NCAPD3: variants seen among roughly 807,000 people sequenced by gnomAD.
NCAPD3 encodes condensin-2 complex subunit D3.
NCAPD3 carries 105 observed loss-of-function variants against 182.9 expected under a neutral mutation model. The observed-to-expected ratio is 0.57, with a 90% CI of 0.49 to 0.68. The LOEUF is 0.68. Among genes scored for constraint, NCAPD3 ranks in the 30% least tolerant of loss-of-function variants. The probability of loss-of-function intolerance (pLI) is 0.00; values close to 1 mark genes in which losing one functional copy is unlikely to be tolerated. For synonymous variants in NCAPD3, 815 were observed against 679.9 expected, an observed-to-expected ratio of 1.20 and a Z score of -3.09; for missense variants, 1,944 against 1,837.0, an observed-to-expected ratio of 1.06 and a Z score of -1.07.
chr11:134,209,215 C>A lies in NCAPD3; in HGVS notation c.733-9G>T, dbSNP rs563278509. ...GTTAATGAAACAAAGACCTAGAAAA[C>A]AGATATGAAGAAAAGGCCTGATTTT... On this transcript the variant is annotated splice_polypyrimidine_tract_variant and intron_variant, in intron 5 of 34. Coordinates refer to ENST00000534548, the MANE Select transcript of NCAPD3 (RefSeq NM_015261.3). The A allele has an allele frequency of 1.2e-6, 2 of 1,612,348 alleles. No individual in the cohort carries two copies. Among genetic ancestry groups the A allele is most frequent in the East Asian group, 4.5e-5 (2 of 44,850 alleles).
At position 134,220,740 on chromosome 11, in the gene NCAPD3, C is replaced by A; in HGVS notation, c.65-14G>T. ...TGTCAACCCATTCTAGGGGAAAATG[C>A]AATGAAATGTGTAAGTACTCTGTAA... On this transcript the variant is annotated splice_polypyrimidine_tract_variant and intron_variant, in intron 1 of 34. Coordinates refer to ENST00000534548, the MANE Select transcript of NCAPD3 (RefSeq NM_015261.3). 1.9e-6 allele frequency: 3 copies of A among 1,608,370 alleles called. No homozygotes were observed. The highest frequency in any genetic ancestry group is 2.6e-6 in the Non-Finnish European group (3 of 1,175,456).
At chr11:134,210,237 GTA>G (rs769482906) in intron 4 of NCAPD3, 31 bp downstream of exon 4, 2 of 1,562,860 alleles carry the variant, frequency 1.3e-6, no homozygotes, top group East Asian at 4.5e-5. Context: ...TCGTGTGTTG[GTA>G]TATATGTTTT....
chr11:134,186,076 C>T (rs1056743606), intron 16 of NCAPD3: 35 of 152,146 alleles, frequency 2.3e-4, no homozygotes, highest in African/African-American at 8.4e-4. Flanking sequence ...GACAACCTAA[C>T]AATTAAATAT....
intron 19 of NCAPD3, 102 bp downstream of exon 19, chr11:134,184,535 G>T: frequency 1.3e-6 from 1 of 770,712 alleles, no homozygotes; most frequent in Non-Finnish European, 2.1e-6. Context: ...ATCCTTACAC[G>T]TCCTCTTATT....
Position 134,152,879 on chromosome 11 carries a change from A to G in NCAPD3, c.*65T>C, listed in dbSNP as rs1319481816. 2 of 1,298,350 alleles carry G rather than the reference A, an allele frequency of 1.5e-6. No individual in the cohort carries two copies. Among genetic ancestry groups the G allele is most frequent in the East Asian group, 2.3e-5 (1 of 42,882 alleles). 80.4% of individuals were successfully genotyped at this position (1,298,350 alleles called of 1,614,324 possible). A position where few individuals can be genotyped will look rare whatever the true frequency, so the allele number is the denominator to read the frequency against. On this transcript the variant is annotated 3_prime_UTR_variant, in exon 35 of 35. Transcript: ENST00000534548. ...CGGGAAGTGATCCAGCTGCCTTCAC[A>G]CGGAGGACACGAGACTGCTTCCTCA... is the stretch of plus-strand genomic sequence containing the variant.
intron 16 of NCAPD3, among the ~76,000 whole-genome samples, chr11:134,190,521 CT>C (rs894660604): frequency 1.3e-5 from 2 of 152,178 alleles, no homozygotes; most frequent in Non-Finnish European, 2.9e-5. Flanking sequence ...AGGTCTTGCT[CT>C]GTCGCCCAGG....
At chr11:134,184,422 C>T (rs944046315) in intron 19 of NCAPD3, among the ~76,000 whole-genome samples, 1 of 152,234 alleles carries the variant, frequency 6.6e-6, no homozygotes, top group Non-Finnish European at 1.5e-5. Flanking sequence ...AAGGTGGTGA[C>T]CATCTAAGGG....
chr11:134,152,923 G>C lies in NCAPD3; in HGVS notation c.*21C>G, dbSNP rs751148519. 14 of 1,510,888 alleles carry C rather than the reference G, an allele frequency of 9.3e-6. No homozygotes were observed. The South Asian group carries it at 1.9e-4, about 20-fold the overall frequency. 93.6% of individuals were successfully genotyped at this position (1,510,888 alleles called of 1,614,324 possible). A position where few individuals can be genotyped will look rare whatever the true frequency, so the allele number is the denominator to read the frequency against. On this transcript the variant is annotated 3_prime_UTR_variant, in exon 35 of 35. Transcript: ENST00000534548. ...TTCCTCAAGGGCTCCTGCCTGCCTG[G>C]ACACTGGTGGGAGGCGCTGTTTAGT...
In NCAPD3 at chr11:134,192,300, T is replaced by C. The variant is rs190547383; in HGVS notation, c.2045+389A>G. On this transcript the variant is annotated intron_variant, in intron 16 of 34. Transcript: ENST00000534548. ...AAGGGGAAAAAGCCTGCAGTGTTAGTTAAGTCAATTAATCCAATGAGGTGT... is the reference window on the plus strand; with the variant it reads ...AAGGGGAAAAAGCCTGCAGTGTTAGCTAAGTCAATTAATCCAATGAGGTGT... Among the ~76,000 whole-genome samples the C allele has an allele frequency of 3.9e-5, 6 of 152,336 alleles. No individual in the cohort carries two copies. The East Asian group carries it at 1.2e-3, about 29-fold the overall frequency.
In NCAPD3 at chr11:134,153,337, C is replaced by T. The variant is rs1340545111; in HGVS notation, c.4279G>A (p.Ala1427Thr). Residue 1427 changes from alanine (A) to threonine (T), a missense_variant, in exon 33 of 35, where the codon GCA becomes ACA. By Grantham distance (58) the Ala-to-Thr change is moderately conservative. Around this residue, in one of 3 missense-constraint regions of NCAPD3, gnomAD observed 1,803 missense variants for 1,674.6 expected, o/e 1.08. Coordinates refer to ENST00000534548, the MANE Select transcript of NCAPD3 (RefSeq NM_015261.3). ...GGTGTCCCGATGTAACTGACCCCTG[C>T]TCCAAACGTGACATCACTGATGCTC... Reference protein sequence around the residue: ...EKSISDVTFGAGVSYIGTPRT... With the variant: ...EKSISDVTFGTGVSYIGTPRT... The T allele has an allele frequency of 2.5e-6, 4 of 1,614,196 alleles. No individual in the cohort carries two copies. Among genetic ancestry groups the T allele is most frequent in the African/African-American group, 2.7e-5 (2 of 75,042 alleles).
chr11:134,203,643 G>A lies in NCAPD3; in HGVS notation c.1468+11C>T, dbSNP rs1295819723. 1.7e-5 allele frequency: 27 copies of A among 1,608,660 alleles called. No individual in the cohort carries two copies. Among genetic ancestry groups the A allele is most frequent in the Middle Eastern group, 1.9e-4 (1 of 5,142 alleles). ...AGACCGGTTTACTGTCCCAATAGTC[G>A]CCATACTCACTGTTAATCAGGAGCT... is the stretch of plus-strand genomic sequence containing the variant. On this transcript the variant is annotated intron_variant, in intron 11 of 34. Transcript: ENST00000534548.
intron 13 of NCAPD3, among the ~76,000 whole-genome samples, chr11:134,197,266 C>T (rs1226590525): frequency 6.7e-6 from 1 of 148,220 alleles, no homozygotes; most frequent in African/African-American, 2.5e-5. Context: ...ATTACCCAGT[C>T]TCACATCTTT....
intron 13 of NCAPD3, among the ~76,000 whole-genome samples, chr11:134,196,550 G>A (rs976986242): frequency 1.9e-4 from 28 of 151,172 alleles, no homozygotes; most frequent in Non-Finnish European, 2.1e-4. Flanking sequence ...GGAGGCTGAG[G>A]CAGGAGATTT....
chr11:134,185,544 A>G lies in NCAPD3; in HGVS notation c.2046-18T>C. ...AATATCGGCTGGAAAAAAAAAAGAT[A>G]GAAAAGCAGAATTGCAACTGTAAAT... On this transcript the variant is annotated intron_variant, in intron 16 of 34. Transcript: ENST00000534548. 6.4e-7 allele frequency: 1 copy of G among 1,566,144 alleles called. No homozygotes were observed. The highest frequency in any genetic ancestry group is 8.7e-7 in the Non-Finnish European group (1 of 1,152,846).
intron 8 of NCAPD3, among the ~76,000 whole-genome samples, chr11:134,206,392 CTA>C (rs944876455): frequency 3.9e-5 from 6 of 152,182 alleles, no homozygotes; most frequent in Admixed American, 2.0e-4. Flanking sequence ...CTGCAGATTC[CTA>C]TCTCTTTAAC....
chr11:134,201,934 AGTAAT>A (rs1944757374), intron 13 of NCAPD3, among the ~76,000 whole-genome samples: 1 of 152,236 alleles, frequency 6.6e-6, no homozygotes, highest in South Asian at 2.1e-4. Context: ...TAATAAAAGC[AGTAAT>A]GTAATCATCC....
intron 29 of NCAPD3, among the ~76,000 whole-genome samples, chr11:134,158,878 T>G (rs1282404704): frequency 1.3e-5 from 2 of 152,160 alleles, no homozygotes; most frequent in African/African-American, 2.4e-5. Context: ...TCTAACTCCG[T>G]GAGATCAACC....
In NCAPD3 at chr11:134,204,855, A is replaced by ACAG; in HGVS notation, c.1089+43_1089+44insCTG. The stretch of plus-strand genomic sequence containing the variant: ...CACACACACACATTTATCTTCACAC[A>ACAG]CGATATACTTCCATGTTATTAATAT... On this transcript the variant is annotated intron_variant, in intron 9 of 34. Transcript: ENST00000534548. This position sits in a 1 kb window ranked among gnomAD's most constrained non-coding sequence, Gnocchi z 4.3. 1 of 1,476,522 alleles carries ACAG rather than the reference A, an allele frequency of 6.8e-7. No homozygotes were observed. The allele number at this position is 1,476,522 out of a possible 1,614,324, so 91.5% of individuals were successfully genotyped here.
chr11:134,175,082 T>C (rs1944127327), intron 24 of NCAPD3, among the ~76,000 whole-genome samples: 1 of 152,236 alleles, frequency 6.6e-6, no homozygotes, highest in South Asian at 2.1e-4. Context: ...CGGTAAAGTA[T>C]ATCTATGCTC....
Sources: gnomAD v4.1 joint callset for allele counts (sites outside exome capture counted in the v4.1 genomes callset) on GRCh38, gnomAD v4.1.1 for gene constraint, gnomAD v4.1.1 regional missense constraint, Gnocchi (gnomAD v3.1) non-coding constraint, MANE v1.5 for transcripts, NCBI Gene and HGNC (gene_info 2026-07-23, HGNC 2026-07-21) for gene names.